Variants in KMT2E observed in about 807,000 individuals in gnomAD.
The protein encoded by KMT2E is histone reader KMT2E.
KMT2E carries 30 observed loss-of-function variants against 184.6 expected under a neutral mutation model. The ratio of observed to expected loss-of-function variants is 0.16; its 90% confidence interval spans 0.12 to 0.22. KMT2E has a LOEUF of 0.22. KMT2E is among the 10% of genes least tolerant of loss of function. The probability of loss-of-function intolerance (pLI) is 1.00; values close to 1 mark genes in which losing one functional copy is unlikely to be tolerated. For missense variants in KMT2E, 2,023 were observed against 2,237.4 expected (o/e 0.90, Z 1.93); for synonymous variants, 815 against 776.5 (o/e 1.05, Z -0.82).
Position 105,040,966 on chromosome 7 carries a change from T to G in KMT2E, c.14T>G (p.Ile5Ser), listed in dbSNP as rs748387280. 1 of 1,607,064 alleles carries G rather than the reference T, an allele frequency of 6.2e-7. No homozygotes were observed. The highest frequency in any genetic ancestry group is 8.5e-7 in the Non-Finnish European group (1 of 1,177,786). Residue 5 changes from isoleucine to serine, a missense_variant, in exon 3 of 27, where the codon ATC becomes AGC. Ile to Ser is a moderately radical substitution (Grantham distance 142). Coordinates refer to ENST00000311117, the MANE Select transcript of KMT2E (RefSeq NM_182931.3). MSIV[I>S]PLGVDTAETS... ...GAGGCGAACGTCATGAGCATAGTGATCCCATTGGGGGTTGATACAGCAGAG... is the reference window on the plus strand; with the variant it reads ...GAGGCGAACGTCATGAGCATAGTGAGCCCATTGGGGGTTGATACAGCAGAG...
intron 3 of KMT2E, among the ~76,000 whole-genome samples, chr7:105,060,313 C>T (rs6952534): frequency 6.6e-6 from 1 of 151,908 alleles, no homozygotes; most frequent in African/African-American, 2.4e-5. Flanking sequence ...CACATAACAA[C>T]GTTTCAGTCA....
intron 13 of KMT2E, among the ~76,000 whole-genome samples, chr7:105,088,523 A>T (rs1327362065): frequency 6.6e-6 from 1 of 152,254 alleles, no homozygotes; most frequent in Non-Finnish European, 1.5e-5. Context: ...CAAACATTCA[A>T]CTACTTAAAA....
intron 17 of KMT2E, chr7:105,103,006 C>T (rs1798721935): frequency 1.3e-5 from 2 of 152,178 alleles, no homozygotes; most frequent in African/African-American, 4.8e-5. Context: ...TCGCAGGTTT[C>T]ATTAGAGACA....
At chr7:105,052,528 T>C (rs983733350) in intron 3 of KMT2E, among the ~76,000 whole-genome samples, 1 of 152,064 alleles carries the variant, frequency 6.6e-6, no homozygotes, top group African/African-American at 2.4e-5. Context: ...ATGAATCATA[T>C]TGCTTGAAGG....
intron 3 of KMT2E, among the ~76,000 whole-genome samples, chr7:105,054,028 C>G (rs1426476251): frequency 6.6e-6 from 1 of 151,956 alleles, no homozygotes; most frequent in Non-Finnish European, 1.5e-5. Context: ...AAAAAACTTA[C>G]CGGGCATGGT....
chr7:105,101,962 C>G lies in KMT2E; in HGVS notation c.1964C>G (p.Ser655Cys). ...VNRTKQRKSF[S>C]RSRTHIGQQR... ...AGAACTAAACAGAGAAAAAGTTTTT[C>G]TCGGAGTAGGACTCACATTGGACAG... is the stretch of plus-strand genomic sequence containing the variant. Residue 655 changes from serine (S) to cysteine (C), a missense_variant, in exon 17 of 27, where the codon TCT (serine) becomes TGT (cysteine). Around this residue, in one of 8 missense-constraint regions of KMT2E, gnomAD observed 514 missense variants for 621.8 expected, o/e 0.83. Transcript: ENST00000311117. 6.2e-7 allele frequency: 1 copy of G among 1,613,764 alleles called. No homozygotes were observed. The highest frequency in any genetic ancestry group is 8.5e-7 in the Non-Finnish European group (1 of 1,179,870).
At position 105,110,817 on chromosome 7, in the gene KMT2E, A is replaced by G. The variant is rs759836964; in HGVS notation, c.4017A>G (p.Pro1339=). Residue 1339 remains proline (P), a synonymous_variant, in exon 26 of 27, where the codon CCA becomes CCG. Coordinates refer to ENST00000311117, the MANE Select transcript of KMT2E (RefSeq NM_182931.3). ...NPEPTTTNEC[P]SPDTSQNTCK... ...AACCCACAACTACGAATGAATGTCC[A>G]TCCCCAGATACTTCTCAAAATACTT... The G allele has an allele frequency of 1.2e-6, 2 of 1,614,022 alleles. No individual in the cohort carries two copies. The highest frequency in any genetic ancestry group is 2.2e-5 in the East Asian group (1 of 44,884).
intron 1 of KMT2E, among the ~76,000 whole-genome samples, chr7:105,024,084 ATAATT>A (rs1374587996): frequency 2.0e-5 from 3 of 152,210 alleles, no homozygotes; most frequent in East Asian, 1.9e-4. Flanking sequence ...AATTTGGATG[ATAATT>A]TAATTTCTTT....
chr7:105,070,151 C>T (rs1462025703), intron 6 of KMT2E, among the ~76,000 whole-genome samples: 1 of 151,750 alleles, frequency 6.6e-6, no homozygotes, highest in African/African-American at 2.4e-5. Context: ...CATTTGTTTA[C>T]AGGTTTTTGT....
chr7:105,106,037 A>C (rs1455045998), intron 19 of KMT2E, 34 bp downstream of exon 19: 6 of 1,589,072 alleles, frequency 3.8e-6, no homozygotes, highest in Non-Finnish European at 5.1e-6. Flanking sequence ...TGGTTTGAGA[A>C]ATGTGGCAGG....
At chr7:105,093,139 G>T (rs1299317000) in intron 15 of KMT2E, among the ~76,000 whole-genome samples, 1 of 152,168 alleles carries the variant, frequency 6.6e-6, no homozygotes, top group Non-Finnish European at 1.5e-5. Context: ...AGGCTGCACT[G>T]AGCTGTGATC....
chr7:105,039,159 G>T (rs766940431), intron 2 of KMT2E: 4 of 152,234 alleles, frequency 2.6e-5, no homozygotes, highest in Non-Finnish European at 5.9e-5. Flanking sequence ...GTAGAATGCT[G>T]TTATGTCCCA....
intron 9 of KMT2E, among the ~76,000 whole-genome samples, chr7:105,076,741 G>A (rs2240454): frequency 0.23 from 34,512 of 151,992 alleles, 5,256 homozygotes; most frequent in East Asian, 0.58. Flanking sequence ...ACATTAAATA[G>A]GATGTGGGGA....
chr7:105,089,389 G>C, intron 13 of KMT2E: 1 of 288,794 alleles, frequency 3.5e-6, no homozygotes, highest in South Asian at 2.6e-5. Flanking sequence ...AGTAGAGACG[G>C]GGTTTCACCA....
intron 8 of KMT2E, 95 bp from the exon 9 acceptor site, chr7:105,075,948 A>G: frequency 1.1e-6 from 1 of 937,144 alleles, no homozygotes; most frequent in Non-Finnish European, 1.7e-6. Flanking sequence ...TTGTTATGAC[A>G]CTTCAGTTAA....
At chr7:105,031,404 A>G (rs183171712) in intron 1 of KMT2E, among the ~76,000 whole-genome samples, 88 of 151,666 alleles carry the variant, frequency 5.8e-4, no homozygotes, top group African/African-American at 1.8e-3. Flanking sequence ...ATGACAGAAT[A>G]AAATAATTGC....
intron 3 of KMT2E, among the ~76,000 whole-genome samples, chr7:105,055,436 A>T (rs1796540242): frequency 6.6e-6 from 1 of 152,080 alleles, no homozygotes; most frequent in African/African-American, 2.4e-5. Context: ...GTCCTTGTCT[A>T]TTCTCATCTC....
chr7:105,103,163 G>A (rs890436302), intron 17 of KMT2E: 1 of 152,158 alleles, frequency 6.6e-6, no homozygotes, highest in African/African-American at 2.4e-5. Context: ...CTTAAAAGAA[G>A]TGAAACTACT....
chr7:105,054,649 G>A (rs544826815), intron 3 of KMT2E, among the ~76,000 whole-genome samples: 2 of 152,004 alleles, frequency 1.3e-5, no homozygotes, highest in Non-Finnish European at 2.9e-5. Context: ...CGAGTAGCTG[G>A]GATTATAGGC....
Sources: gnomAD v4.1 joint callset for allele counts (sites outside exome capture counted in the v4.1 genomes callset) on GRCh38, gnomAD v4.1.1 for gene constraint, gnomAD v4.1.1 regional missense constraint, MANE v1.5 for transcripts, NCBI Gene and HGNC (gene_info 2026-07-23, HGNC 2026-07-21) for gene names.